Variants in SYN2 observed in about 807,000 individuals in gnomAD.
SYN2 encodes the protein synapsin II.
Under a neutral mutation model 50.9 loss-of-function variants are expected in SYN2, and 19 were observed. The observed-to-expected ratio is 0.37, with a 90% CI of 0.26 to 0.55. The LOEUF (loss-of-function observed/expected upper bound fraction) is 0.55, where lower values mean the gene tolerates loss of function less well. SYN2 is among the 20% of genes least tolerant of loss of function. The probability of loss-of-function intolerance (pLI) is 0.81; values close to 1 mark genes in which losing one functional copy is unlikely to be tolerated. For missense variants in SYN2, 587 were observed against 576.4 expected (o/e 1.02, Z -0.19); for synonymous variants, 255 against 224.9 (o/e 1.13, Z -1.20).
chr3:12,172,839 G>T (rs1697967589), intron 10 of SYN2, among the ~76,000 whole-genome samples: 1 of 152,216 alleles, frequency 6.6e-6, no homozygotes, highest in Non-Finnish European at 1.5e-5. Flanking sequence ...ATGAAGGCCA[G>T]AATTCTCTTA....
intron 1 of SYN2, among the ~76,000 whole-genome samples, chr3:12,056,377 G>A (rs898795476): frequency 1.3e-5 from 2 of 150,616 alleles, no homozygotes; most frequent in African/African-American, 4.9e-5. Context: ...ATACATGAGT[G>A]TTTGCCTTAT....
At position 12,161,506 on chromosome 3, in the gene SYN2, G is replaced by A. The variant is rs772223541; in HGVS notation, c.775-40G>A. On this transcript the variant is annotated intron_variant, in intron 5 of 12. Transcript: ENST00000621198. ...TGTGTAGGATTCCACGGAGAGATGG[G>A]CACACTCTGACAGTTTATTCATTTC... The A allele has an allele frequency of 1.9e-6, 3 of 1,609,468 alleles. 1 individual carries two copies. The South Asian group carries it at 3.3e-5, about 18-fold the overall frequency.
chr3:12,058,915 T>C (rs1017712749), intron 1 of SYN2, among the ~76,000 whole-genome samples: 1 of 152,172 alleles, frequency 6.6e-6, no homozygotes, highest in African/African-American at 2.4e-5. Flanking sequence ...AGCACTTGAG[T>C]CCCACATTCC....
At chr3:12,165,021 TCTGCCACCAGG>T (rs1697748596) in intron 7 of SYN2, among the ~76,000 whole-genome samples, 1 of 137,192 alleles carries the variant, frequency 7.3e-6, no homozygotes, top group Non-Finnish European at 1.5e-5. Flanking sequence ...AGAGTCTCGC[TCTGCCACCAGG>T]CTGGAATGCA....
At chr3:12,180,749 G>A (rs773710049) in intron 10 of SYN2, among the ~76,000 whole-genome samples, 29 of 152,124 alleles carry the variant, frequency 1.9e-4, no homozygotes, top group African/African-American at 1.2e-4. Context: ...GACTGCCTCC[G>A]GGAGCTCTTC....
intron 6 of SYN2, 156 bp downstream of exon 6, chr3:12,161,764 C>T: frequency 9.9e-7 from 1 of 1,014,576 alleles, no homozygotes; most frequent in Non-Finnish European, 1.5e-6. Flanking sequence ...GTCACCCAAC[C>T]AGACCTCTTT....
At chr3:12,034,611 T>C (rs571199450) in intron 1 of SYN2, among the ~76,000 whole-genome samples, 3 of 152,274 alleles carry the variant, frequency 2.0e-5, no homozygotes, top group African/African-American at 7.2e-5. Context: ...GGGGAAGGCA[T>C]GACATGGCAT....
At chr3:12,140,961 T>C (rs1412336025) in intron 2 of SYN2, among the ~76,000 whole-genome samples, 1 of 152,158 alleles carries the variant, frequency 6.6e-6, no homozygotes, top group African/African-American at 2.4e-5. Flanking sequence ...GCAGTTTGGT[T>C]CTTAGCACCC....
At chr3:12,189,995 A>T (rs1574899813) in intron 12 of SYN2, among the ~76,000 whole-genome samples, 1 of 152,172 alleles carries the variant, frequency 6.6e-6, no homozygotes, top group African/African-American at 2.4e-5. Flanking sequence ...TCCAGTTAGG[A>T]GGGAGTGAGT....
At chr3:12,090,815 T>G (rs1695809960) in intron 1 of SYN2, among the ~76,000 whole-genome samples, 1 of 152,148 alleles carries the variant, frequency 6.6e-6, no homozygotes, top group African/African-American at 2.4e-5. Flanking sequence ...TCCTCCACAG[T>G]TACCCCAAAT....
intron 10 of SYN2, among the ~76,000 whole-genome samples, chr3:12,179,358 A>G (rs1180743787): frequency 7.4e-6 from 1 of 134,962 alleles, no homozygotes; most frequent in Admixed American, 8.1e-5. Flanking sequence ...GTTCTCACAC[A>G]CCGGAAGAAC....
intron 1 of SYN2, among the ~76,000 whole-genome samples, chr3:12,121,535 T>A (rs1696557015): frequency 3.3e-5 from 5 of 151,944 alleles, no homozygotes. Flanking sequence ...ACATAAGGCC[T>A]TATTCATAGT....
In SYN2 at chr3:12,151,302, A is replaced by G. The variant is rs779208045; in HGVS notation, c.750A>G (p.Thr250=). 2.5e-6 allele frequency: 4 copies of G among 1,613,320 alleles called. No individual in the cohort carries two copies. Among genetic ancestry groups the G allele is most frequent in the Non-Finnish European group, 3.4e-6 (4 of 1,179,700 alleles). ...AAAAGTTCCCTCTCATTGAACAGACATACTACCCCAACCACAAAGAGATGG... is the reference window on the plus strand; with the variant it reads ...AAAAGTTCCCTCTCATTGAACAGACGTACTACCCCAACCACAAAGAGATGG... ...GGEKFPLIEQ[T]YYPNHKEMLT... is the part of the protein sequence containing the mutation. Residue 250 remains threonine, a synonymous_variant, in exon 5 of 13, where the codon ACA becomes ACG. Transcript: ENST00000621198.
intron 1 of SYN2, among the ~76,000 whole-genome samples, chr3:12,125,899 C>T (rs74562136): frequency 6.6e-6 from 1 of 151,076 alleles, no homozygotes; most frequent in African/African-American, 2.4e-5. Flanking sequence ...TCTCTGATGT[C>T]CCCTTGTTAT....
intron 1 of SYN2, among the ~76,000 whole-genome samples, chr3:12,094,217 T>G (rs1695883539): frequency 6.6e-6 from 1 of 152,176 alleles, no homozygotes; most frequent in Non-Finnish European, 1.5e-5. Flanking sequence ...TGTGTGTTCA[T>G]TTTGTCTCCT....
At chr3:12,154,544 C>T in intron 5 of SYN2, 2 of 1,467,144 alleles carry the variant, frequency 1.4e-6, no homozygotes, top group Non-Finnish European at 1.9e-6. Context: ...ATTGCAGCCT[C>T]CCCAATGACT....
intron 1 of SYN2, among the ~76,000 whole-genome samples, chr3:12,104,646 C>G (rs981908059): frequency 8.0e-6 from 1 of 124,576 alleles, no homozygotes; most frequent in Non-Finnish European, 1.6e-5. Flanking sequence ...GCGATCTTGG[C>G]TCACTGCACC....
chr3:12,142,039 G>T (rs772003944), intron 3 of SYN2, 43 bp downstream of exon 3: 1 of 779,042 alleles, frequency 1.3e-6, no homozygotes. Context: ...ACTGTCTCCA[G>T]AGTTACTACC....
At chr3:12,059,656 C>T (rs969125196) in intron 1 of SYN2, among the ~76,000 whole-genome samples, 22 of 152,104 alleles carry the variant, frequency 1.4e-4, no homozygotes, top group African/African-American at 4.8e-4. Context: ...CAAACATCTC[C>T]TGACAGTAAC....
Sources: gnomAD v4.1 joint callset for allele counts (sites outside exome capture counted in the v4.1 genomes callset) on GRCh38, gnomAD v4.1.1 for gene constraint, MANE v1.5 for transcripts, NCBI Gene and HGNC (gene_info 2026-07-23, HGNC 2026-07-21) for gene names.